PTK2B: variants seen among roughly 807,000 people sequenced by gnomAD.
PTK2B encodes the protein protein-tyrosine kinase 2-beta.
PTK2B carries 71 observed loss-of-function variants against 142.9 expected under a neutral mutation model. The ratio of observed to expected loss-of-function variants is 0.50; its 90% CI spans 0.41 to 0.61. The LOEUF is 0.61. Ranked by LOEUF, PTK2B falls within the 20% of genes least tolerant of loss-of-function variation. The pLI, the probability that PTK2B is intolerant of heterozygous loss-of-function variation, is 0.00. For synonymous variants in PTK2B, 519 were observed against 503.4 expected, an observed-to-expected ratio of 1.03 and a Z score of -0.42; for missense variants, 1,105 against 1,320.4, an observed-to-expected ratio of 0.84 and a Z score of 2.53.
At chr8:27,456,061 G>A (rs908565819) in intron 30 of PTK2B, among the ~76,000 whole-genome samples, 1 of 152,206 alleles carries the variant, frequency 6.6e-6, no homozygotes, top group Admixed American at 6.5e-5. Flanking sequence ...GGGGCTGTGG[G>A]GCTGTCTTGT....
intron 22 of PTK2B, among the ~76,000 whole-genome samples, chr8:27,443,277 G>A (rs929133568): frequency 1.3e-5 from 2 of 152,206 alleles, no homozygotes; most frequent in African/African-American, 4.8e-5. Flanking sequence ...ATCCCCCTGA[G>A]GACACATGGG....
intron 4 of PTK2B, among the ~76,000 whole-genome samples, 169 bp downstream of exon 4, chr8:27,420,913 C>T (rs1217665296): frequency 6.6e-6 from 1 of 152,182 alleles, no homozygotes; most frequent in Non-Finnish European, 1.5e-5. Flanking sequence ...CGGCTCCAAC[C>T]CTGCTTTTCT....
At chr8:27,368,160 G>A (rs1393018227) in intron 1 of PTK2B, among the ~76,000 whole-genome samples, 5 of 152,222 alleles carry the variant, frequency 3.3e-5, no homozygotes, top group African/African-American at 9.6e-5. Context: ...AGTGCGGGAC[G>A]GACGGGTGGC....
At chr8:27,367,785 A>T (rs1806109586) in intron 1 of PTK2B, among the ~76,000 whole-genome samples, 1 of 152,192 alleles carries the variant, frequency 6.6e-6, no homozygotes, top group Non-Finnish European at 1.5e-5. Context: ...GGGAGGTGCC[A>T]GCCTCCTTTT....
intron 3 of PTK2B, among the ~76,000 whole-genome samples, chr8:27,317,071 G>A (rs1428710610): frequency 6.6e-6 from 1 of 152,198 alleles, no homozygotes; most frequent in Non-Finnish European, 1.5e-5. Flanking sequence ...GTTGGAAAAT[G>A]ACTGCAGCAA....
intron 1 of PTK2B, among the ~76,000 whole-genome samples, chr8:27,354,451 G>A (rs1297842882): frequency 1.3e-5 from 2 of 152,148 alleles, no homozygotes; most frequent in African/African-American, 2.4e-5. Context: ...AAGAAAGCCA[G>A]TGAAATTCTC....
At chr8:27,312,061 A>G (rs1802987679) in intron 1 of PTK2B, among the ~76,000 whole-genome samples, 1 of 152,132 alleles carries the variant, frequency 6.6e-6, no homozygotes, top group Non-Finnish European at 1.5e-5. Flanking sequence ...GACTTCTGCA[A>G]AGTTTAGCTG....
At chr8:27,449,455 C>G (rs945834142) in intron 24 of PTK2B, among the ~76,000 whole-genome samples, 1 of 152,170 alleles carries the variant, frequency 6.6e-6, no homozygotes, top group Non-Finnish European at 1.5e-5. Context: ...TGAGGAAACT[C>G]TTTTAAGAGG....
chr8:27,443,008 G>A (rs1234096746), intron 22 of PTK2B, 25 bp downstream of exon 22: 3 of 1,579,698 alleles, frequency 1.9e-6, no homozygotes, highest in Non-Finnish European at 2.6e-6. Flanking sequence ...GGCCTCATAA[G>A]TCCTGTGAGT....
At chr8:27,454,954 A>T (rs1423514632) in intron 30 of PTK2B, among the ~76,000 whole-genome samples, 1 of 152,168 alleles carries the variant, frequency 6.6e-6, no homozygotes, top group Non-Finnish European at 1.5e-5. Context: ...TGGATGTGTC[A>T]TAGAAATATC....
At chr8:27,387,869 A>T (rs1294466607) in intron 1 of PTK2B, among the ~76,000 whole-genome samples, 1 of 150,002 alleles carries the variant, frequency 6.7e-6, no homozygotes. Flanking sequence ...ATCCCACTTC[A>T]CAAGTTGCGT....
intron 2 of PTK2B, 114 bp from the exon 3 acceptor site, chr8:27,419,781 G>A (rs759196631): frequency 2.1e-5 from 23 of 1,120,866 alleles, no homozygotes; most frequent in South Asian, 3.1e-5. Context: ...GAGACAAATC[G>A]AACATGAAGA....
rs141348495 is a variant in PTK2B at position 27,434,445 on chromosome 8, C to T, written c.1146-68C>T. 7.1e-5 allele frequency: 107 copies of T among 1,509,212 alleles called. No homozygotes were observed. In the South Asian group the frequency reaches 7.3e-4, roughly 10 times the overall value. The allele number at this position is 1,509,212 out of a possible 1,614,324, so 93.5% of individuals were successfully genotyped here. On this transcript the variant is annotated intron_variant, in intron 12 of 30. Coordinates refer to ENST00000346049, the MANE Select transcript of PTK2B (RefSeq NM_173176.3). ...CAGGGGGCAGGAGGAGAGGGCGGGC[C>T]GAGGCTGCCCAGGGGAACATTACCG...
intron 24 of PTK2B, 95 bp downstream of exon 24, chr8:27,446,014 G>C: frequency 6.5e-7 from 1 of 1,535,312 alleles, no homozygotes; most frequent in Non-Finnish European, 8.8e-7. Context: ...CCTCAGCTCA[G>C]GAGGGCCCTT....
chr8:27,419,753 C>A, intron 2 of PTK2B, 142 bp from the exon 3 acceptor site: 1 of 883,372 alleles, frequency 1.1e-6, no homozygotes, highest in Non-Finnish European at 1.7e-6. Flanking sequence ...AAATCTTCCC[C>A]TAAATGCTAG....
At chr8:27,329,238 A>G (rs1367473492) in intron 1 of PTK2B, among the ~76,000 whole-genome samples, 2 of 152,134 alleles carry the variant, frequency 1.3e-5, no homozygotes, top group Non-Finnish European at 2.9e-5. Context: ...GTCTGGCTGT[A>G]TGCAATCTTT....
intron 1 of PTK2B, among the ~76,000 whole-genome samples, chr8:27,346,494 C>T (rs889102193): frequency 3.3e-5 from 5 of 152,112 alleles, no homozygotes; most frequent in Non-Finnish European, 7.4e-5. Context: ...TACAGTGAGC[C>T]GTGATTGTGC....
Position 27,326,044 on chromosome 8 carries a change from A to G in PTK2B, c.-38+363A>G, listed in dbSNP as rs182312549. ...TCAGGTTAGGGAGCCACGGGGTTTC[A>G]GCTCCTGCCCCCGCTCCCCGCTCCC... On this transcript the variant is annotated intron_variant, in intron 1 of 30. Coordinates refer to ENST00000346049, the MANE Select transcript of PTK2B (RefSeq NM_173176.3). Among the ~76,000 whole-genome samples, 1,494 of 152,118 alleles carry G rather than the reference A, an allele frequency of 9.8e-3. 32 individuals are homozygous for G. Among genetic ancestry groups the G allele is most frequent in the African/African-American group, 0.034 (1,418 of 41,494 alleles).
chr8:27,382,044 G>T (rs1807058860), intron 1 of PTK2B, among the ~76,000 whole-genome samples: 3 of 152,122 alleles, frequency 2.0e-5, no homozygotes, highest in South Asian at 2.1e-4. Flanking sequence ...TTGCCTCCTG[G>T]GTTCCAATGA....
Sources: gnomAD v4.1 joint callset for allele counts (sites outside exome capture counted in the v4.1 genomes callset) on GRCh38, gnomAD v4.1.1 for gene constraint, MANE v1.5 for transcripts, NCBI Gene and HGNC (gene_info 2026-07-23, HGNC 2026-07-21) for gene names.